The following TSHZ2 variants were observed in gnomAD, a reference collection of about 807,000 sequenced individuals.
TSHZ2 encodes teashirt homolog 2.
In TSHZ2, 21 loss-of-function variants were observed where a neutral mutation model predicts 74.4. The observed-to-expected ratio is 0.28, with a 90% confidence interval of 0.20 to 0.41. TSHZ2 has a LOEUF of 0.41. Among genes scored for constraint, TSHZ2 ranks in the 10% least tolerant of loss-of-function variants. The pLI, the probability that TSHZ2 is intolerant of heterozygous loss-of-function variation, is 1.00. For synonymous variants in TSHZ2, 540 were observed against 515.3 expected, an observed-to-expected ratio of 1.05 and a Z score of -0.65; for missense variants, 1,244 against 1,293.5, an observed-to-expected ratio of 0.96 and a Z score of 0.59.
intron 1 of TSHZ2, among the ~76,000 whole-genome samples, chr20:53,163,672 G>A (rs998612655): frequency 1.5e-4 from 23 of 151,924 alleles, no homozygotes; most frequent in Non-Finnish European, 2.9e-4. Flanking sequence ...TACTGAAGGC[G>A]TCACTAGGCA....
chr20:53,363,438 G>A (rs1981140719), intron 2 of TSHZ2, among the ~76,000 whole-genome samples: 1 of 152,192 alleles, frequency 6.6e-6, no homozygotes, highest in African/African-American at 2.4e-5. Flanking sequence ...ATGCCAAGGA[G>A]CATATCATTG....
intron 2 of TSHZ2, among the ~76,000 whole-genome samples, chr20:53,257,664 T>G (rs2123732199): frequency 6.6e-6 from 1 of 152,320 alleles, no homozygotes; most frequent in Admixed American, 6.5e-5. Flanking sequence ...CCGCATACAC[T>G]AAGGGCCCTC....
At chr20:53,086,602 C>A (rs1448282215) in intron 1 of TSHZ2, among the ~76,000 whole-genome samples, 2 of 152,096 alleles carry the variant, frequency 1.3e-5, no homozygotes, top group Admixed American at 6.5e-5. Context: ...CAAATAACAA[C>A]CTCTCCCTGG....
intron 2 of TSHZ2, among the ~76,000 whole-genome samples, chr20:53,416,126 G>A (rs1386357971): frequency 6.6e-6 from 1 of 152,188 alleles, no homozygotes; most frequent in Non-Finnish European, 1.5e-5. Flanking sequence ...TGGAGGCAGA[G>A]AGGCCATGTG....
intron 1 of TSHZ2, among the ~76,000 whole-genome samples, chr20:52,976,029 C>T (rs970115237): frequency 3.5e-4 from 54 of 152,276 alleles, no homozygotes; most frequent in African/African-American, 1.1e-3. Flanking sequence ...TGAGTGGATC[C>T]GAGCTGAGGC....
intron 2 of TSHZ2, among the ~76,000 whole-genome samples, chr20:53,450,057 C>CATCA (rs1389944213): frequency 2.0e-5 from 3 of 152,224 alleles, no homozygotes; most frequent in Non-Finnish European, 2.9e-5. Flanking sequence ...TGAAGAAATA[C>CATCA]ATCAATGAAT....
chr20:53,068,292 CA>C (rs1985060186), intron 1 of TSHZ2, among the ~76,000 whole-genome samples: 1 of 152,114 alleles, frequency 6.6e-6, no homozygotes, highest in Admixed American at 6.5e-5. Context: ...TCACCCACAC[CA>C]GTCTATGGAT....
chr20:53,001,013 G>T (rs1982387123), intron 1 of TSHZ2, among the ~76,000 whole-genome samples: 1 of 152,136 alleles, frequency 6.6e-6, no homozygotes, highest in Non-Finnish European at 1.5e-5. Flanking sequence ...CTCTAGTTCA[G>T]CCAGGAGTGG....
chr20:53,383,493 C>T (rs1448963800), intron 2 of TSHZ2, among the ~76,000 whole-genome samples: 2 of 151,996 alleles, frequency 1.3e-5, no homozygotes, highest in Non-Finnish European at 2.9e-5. Flanking sequence ...GGTGCGGTGG[C>T]TCATGCCTGT....
chr20:53,305,746 T>C (rs1315227831), intron 2 of TSHZ2, among the ~76,000 whole-genome samples: 1 of 152,038 alleles, frequency 6.6e-6, no homozygotes, highest in African/African-American at 2.4e-5. Context: ...TTGGGAGGCC[T>C]AGGCAGGTGG....
intron 2 of TSHZ2, among the ~76,000 whole-genome samples, chr20:53,280,661 GTTT>G (rs950392680): frequency 5.6e-5 from 8 of 142,174 alleles, no homozygotes; most frequent in African/African-American, 2.1e-4. Flanking sequence ...TTGTTTGTTT[GTTT>G]TTTGTTGTTG....
intron 1 of TSHZ2, among the ~76,000 whole-genome samples, chr20:53,199,255 TG>T (rs1295914252): frequency 6.6e-6 from 1 of 152,166 alleles, no homozygotes; most frequent in Non-Finnish European, 1.5e-5. Context: ...CCCAGCACTT[TG>T]GGAGGCCGAG....
At chr20:53,011,066 T>C (rs1472179928) in intron 1 of TSHZ2, among the ~76,000 whole-genome samples, 1 of 152,196 alleles carries the variant, frequency 6.6e-6, no homozygotes, top group Non-Finnish European at 1.5e-5. Flanking sequence ...ATTTGATAAG[T>C]TTTGCTCAAA....
At chr20:53,125,737 A>AT (rs200741666) in intron 1 of TSHZ2, among the ~76,000 whole-genome samples, 13 of 152,004 alleles carry the variant, frequency 8.6e-5, no homozygotes, top group East Asian at 5.8e-4. Flanking sequence ...TTACCAAAAT[A>AT]TTTAAAAAAA....
At chr20:53,144,762 G>A (rs2123424613) in intron 1 of TSHZ2, among the ~76,000 whole-genome samples, 1 of 151,974 alleles carries the variant, frequency 6.6e-6, no homozygotes, top group Non-Finnish European at 1.5e-5. Flanking sequence ...CGTACTATGA[G>A]GTTATATGGG....
intron 1 of TSHZ2, among the ~76,000 whole-genome samples, chr20:53,135,641 G>A (rs1987228226): frequency 6.6e-6 from 1 of 152,002 alleles, no homozygotes; most frequent in East Asian, 1.9e-4. Flanking sequence ...TATCACCCAG[G>A]CTGGAGTACA....
At chr20:53,306,468 G>A (rs1978549409) in intron 2 of TSHZ2, among the ~76,000 whole-genome samples, 1 of 152,126 alleles carries the variant, frequency 6.6e-6, no homozygotes, top group African/African-American at 2.4e-5. Context: ...AGTAGCTATA[G>A]CCACCCAAAA....
rs147159371 is a variant in TSHZ2 at position 53,286,191 on chromosome 20, A to C, written c.*8+29620A>C. Reference sequence around the variant, plus strand: ...TTAAAATTAACATTGACTTCTTGCCATTTGTGTTTGTTCCTAAGCGGAGTG... The same window carrying C: ...TTAAAATTAACATTGACTTCTTGCCCTTTGTGTTTGTTCCTAAGCGGAGTG... On this transcript the variant is annotated intron_variant, in intron 2 of 2. Coordinates refer to ENST00000371497, the MANE Select transcript of TSHZ2 (RefSeq NM_173485.6). Among the ~76,000 whole-genome samples, 242 of 152,312 alleles carry C rather than the reference A, an allele frequency of 1.6e-3. 9 individuals carry two copies. Among genetic ancestry groups the C allele is most frequent in the Admixed American group, 0.015 (223 of 15,300 alleles).
chr20:52,980,854 A>G (rs1177718952), intron 1 of TSHZ2, among the ~76,000 whole-genome samples: 3 of 152,196 alleles, frequency 2.0e-5, no homozygotes, highest in Admixed American at 2.0e-4. Flanking sequence ...AAATATCTCT[A>G]TATAAACTGC....
Sources: allele counts gnomAD v4.1 joint callset (sites outside exome capture counted in the v4.1 genomes callset), GRCh38; gene constraint gnomAD v4.1.1; transcripts MANE v1.5; gene names NCBI Gene and HGNC (gene_info 2026-07-23, HGNC 2026-07-21).